CSMD1: variants seen among roughly 807,000 people sequenced by gnomAD.
CSMD1 encodes CUB and sushi domain-containing protein 1.
A neutral mutation model predicts 417.5 loss-of-function variants in CSMD1; 213 were observed. The ratio of observed to expected loss-of-function variants is 0.51; its 90% CI spans 0.46 to 0.57. The LOEUF (loss-of-function observed/expected upper bound fraction) is 0.57, where lower values mean the gene tolerates loss of function less well. Ranked by LOEUF, CSMD1 falls within the 20% of genes least tolerant of loss-of-function variation. CSMD1 has a pLI of 0.00. For synonymous variants in CSMD1, 2,862 were observed against 1,736.8 expected (o/e 1.65, Z -16.11); for missense variants, 6,923 against 4,529.7 (o/e 1.53, Z -15.17).
chr8:3,266,936 G>A (rs1310416779), intron 26 of CSMD1, among the ~76,000 whole-genome samples: 1 of 152,180 alleles, frequency 6.6e-6, no homozygotes, highest in East Asian at 1.9e-4. Context: ...AATGCAGACA[G>A]CCAACATAGA....
At chr8:4,317,740 G>C (rs1799017796) in intron 3 of CSMD1, among the ~76,000 whole-genome samples, 1 of 152,140 alleles carries the variant, frequency 6.6e-6, no homozygotes, top group Admixed American at 6.6e-5. Context: ...GTACATGTCT[G>C]TACCATTTAG....
Position 3,506,281 on chromosome 8 carries a change from A to G in CSMD1, c.1345-12555T>C, listed in dbSNP as rs866620667. Among the ~76,000 whole-genome samples the G allele has an allele frequency of 9.8e-5, 15 of 152,314 alleles. No individual in the cohort carries two copies. In the Middle Eastern group the frequency reaches 0.01, roughly 104 times the overall value. ...TCTGGCATCATCTGTCACAGACACT[A>G]CTTAAGTGCCTCAGATTCCTACTAC... On this transcript the variant is annotated intron_variant, in intron 10 of 69. Coordinates refer to ENST00000635120, the MANE Select transcript of CSMD1 (RefSeq NM_033225.6).
intron 1 of CSMD1, among the ~76,000 whole-genome samples, chr8:4,656,395 A>C (rs1804232160): frequency 6.6e-6 from 1 of 152,028 alleles, no homozygotes. Context: ...ATCTCAGTAA[A>C]GTGGGGACAC....
chr8:3,646,185 G>A (rs531521180), intron 7 of CSMD1, among the ~76,000 whole-genome samples: 2 of 151,908 alleles, frequency 1.3e-5, no homozygotes, highest in African/African-American at 2.4e-5. Flanking sequence ...AACAAAAATA[G>A]TGATACATTA....
chr8:4,203,005 G>A (rs779378482), intron 3 of CSMD1, among the ~76,000 whole-genome samples: 4 of 152,196 alleles, frequency 2.6e-5, no homozygotes, highest in African/African-American at 4.8e-5. Flanking sequence ...GTAATTCCCA[G>A]AACCTGTGAC....
intron 1 of CSMD1, 90 bp from the exon 2 acceptor site, chr8:4,637,648 T>G: frequency 1.9e-5 from 1 of 51,516 alleles, no homozygotes; most frequent in Non-Finnish European, 3.2e-5. Context: ...TAGCCAATTT[T>G]TTTTTTTTTT....
chr8:4,556,519 C>T (rs1798094558), intron 2 of CSMD1, among the ~76,000 whole-genome samples: 1 of 152,104 alleles, frequency 6.6e-6, no homozygotes, highest in Non-Finnish European at 1.5e-5. Context: ...ATCGAATTAT[C>T]TCTCAACCTC....
chr8:4,851,643 G>C (rs1024677078), intron 1 of CSMD1, among the ~76,000 whole-genome samples: 3 of 151,992 alleles, frequency 2.0e-5, no homozygotes, highest in African/African-American at 7.3e-5. Context: ...GGGATTACCT[G>C]ACTTCTCAAT....
intron 2 of CSMD1, among the ~76,000 whole-genome samples, chr8:4,565,010 T>C (rs1188895099): frequency 6.6e-6 from 1 of 152,216 alleles, no homozygotes; most frequent in Non-Finnish European, 1.5e-5. Flanking sequence ...ACTGTAATGA[T>C]AGATGTCTGT....
At chr8:3,307,914 A>G in intron 24 of CSMD1, 93 bp from the exon 25 acceptor site, 2 of 1,338,366 alleles carry the variant, frequency 1.5e-6, no homozygotes, top group African/African-American at 1.5e-5. Flanking sequence ...TTATGTCTGC[A>G]TTATATACAT....
chr8:4,650,226 T>C (rs1803805084), intron 1 of CSMD1, among the ~76,000 whole-genome samples: 1 of 151,498 alleles, frequency 6.6e-6, no homozygotes, highest in Admixed American at 6.6e-5. Context: ...GCGCCTGTAG[T>C]CCCAGCTACT....
intron 3 of CSMD1, among the ~76,000 whole-genome samples, chr8:4,257,522 A>C (rs1381476589): frequency 6.6e-6 from 1 of 152,128 alleles, no homozygotes; most frequent in African/African-American, 2.4e-5. Flanking sequence ...TTTTCAATAC[A>C]GTTTTGAATA....
chr8:3,040,145 T>G (rs1195628129), intron 50 of CSMD1, among the ~76,000 whole-genome samples: 3 of 152,138 alleles, frequency 2.0e-5, no homozygotes, highest in Non-Finnish European at 4.4e-5. Context: ...CTCTAGAATT[T>G]GGAGAAGATG....
intron 1 of CSMD1, among the ~76,000 whole-genome samples, chr8:4,823,486 G>C (rs1363065065): frequency 6.6e-6 from 1 of 151,944 alleles, no homozygotes; most frequent in East Asian, 1.9e-4. Context: ...GGATTCCATA[G>C]AATAATGCAT....
At chr8:3,923,111 C>T (rs1220318890) in intron 5 of CSMD1, among the ~76,000 whole-genome samples, 2 of 152,110 alleles carry the variant, frequency 1.3e-5, no homozygotes, top group Non-Finnish European at 2.9e-5. Flanking sequence ...GGGACTCATG[C>T]CAAACAACTC....
At chr8:4,045,774 C>T (rs188808997) in intron 3 of CSMD1, among the ~76,000 whole-genome samples, 39 of 152,306 alleles carry the variant, frequency 2.6e-4, no homozygotes, top group Middle Eastern at 6.8e-3. Flanking sequence ...CTAAATTACA[C>T]ACTTTAAAGC....
intron 26 of CSMD1, among the ~76,000 whole-genome samples, chr8:3,240,948 T>C (rs546593057): frequency 2.9e-4 from 44 of 151,760 alleles, no homozygotes; most frequent in African/African-American, 5.1e-4. Context: ...AAGCATGCTG[T>C]GGGATGGGAT....
chr8:3,603,614 A>G (rs1324014938), intron 8 of CSMD1, among the ~76,000 whole-genome samples: 3 of 152,200 alleles, frequency 2.0e-5, no homozygotes, highest in Non-Finnish European at 4.4e-5. Context: ...AGGGACATGG[A>G]ATGGAAACGG....
At chr8:4,261,371 A>G (rs925473492) in intron 3 of CSMD1, among the ~76,000 whole-genome samples, 6 of 152,180 alleles carry the variant, frequency 3.9e-5, no homozygotes, top group African/African-American at 1.4e-4. Context: ...TCTCAGAAAT[A>G]GAGATTAGAA....
Sources: allele counts gnomAD v4.1 joint callset (sites outside exome capture counted in the v4.1 genomes callset), GRCh38; gene constraint gnomAD v4.1.1; transcripts MANE v1.5; gene names NCBI Gene and HGNC (gene_info 2026-07-23, HGNC 2026-07-21).